ABCD3: variants seen among roughly 807,000 people sequenced by gnomAD.
ABCD3 encodes ATP-binding cassette sub-family D member 3.
Under a neutral mutation model 105.5 loss-of-function variants are expected in ABCD3, and 41 were observed. The observed-to-expected ratio is 0.39, with a 90% CI of 0.30 to 0.50. The LOEUF is 0.50. ABCD3 is among the 20% of genes least tolerant of loss of function. The probability of loss-of-function intolerance (pLI) is 0.84; values close to 1 mark genes in which losing one functional copy is unlikely to be tolerated. For synonymous variants in ABCD3, 258 were observed against 269.0 expected (o/e 0.96, Z 0.40); for missense variants, 622 against 806.3 (o/e 0.77, Z 2.77).
At position 94,419,481 on chromosome 1, in the gene ABCD3, G is replaced by A. The variant is rs1456493035; in HGVS notation, c.110+893G>A. ...ATACAGGTATGTATGTCACATACAT[G>A]CAATTTTTATTTGCTGGACAAGTGA... On this transcript the variant is annotated intron_variant, in intron 1 of 22. Coordinates refer to ENST00000370214, the MANE Select transcript of ABCD3 (RefSeq NM_002858.4). 2.0e-5 allele frequency among the ~76,000 whole-genome samples: 3 copies of A among 152,118 alleles called. No homozygotes were observed. In the East Asian group the frequency reaches 5.8e-4, roughly 29 times the overall value.
chr1:94,475,890 A>G (rs1169767027), intron 7 of ABCD3, among the ~76,000 whole-genome samples, 153 bp downstream of exon 7: 1 of 152,096 alleles, frequency 6.6e-6, no homozygotes, highest in Non-Finnish European at 1.5e-5. Context: ...AATAGTTTTA[A>G]TTATTTTAAT....
At chr1:94,430,627 T>G (rs1321443844) in intron 1 of ABCD3, among the ~76,000 whole-genome samples, 2 of 152,214 alleles carry the variant, frequency 1.3e-5, no homozygotes, top group Non-Finnish European at 2.9e-5. Flanking sequence ...TGCACCATGA[T>G]TGTGAGGCCT....
At chr1:94,396,610 T>TGTGC in the ABCD3 span, among the ~76,000 whole-genome samples, 5,144 of 144,050 alleles carry the variant, frequency 0.036, 152 homozygotes, top group African/African-American at 0.076. Context: ...TGTGTGTGTG[T>TGTGC]GCGCGCGCGC....
intron 1 of ABCD3, 64 bp from the exon 2 acceptor site, chr1:94,458,543 A>G: frequency 6.9e-7 from 1 of 1,439,092 alleles, no homozygotes; most frequent in Non-Finnish European, 9.8e-7. Flanking sequence ...ACATCTTAAA[A>G]TCATCTTAAT....
intron 1 of ABCD3, among the ~76,000 whole-genome samples, chr1:94,453,805 A>G: frequency 6.6e-6 from 1 of 151,100 alleles, no homozygotes. Context: ...TTTATTTTCC[A>G]AAGAATCAAC....
rs571605694 is a variant in ABCD3 at position 94,478,117 on chromosome 1, A to T, written c.628-142A>T. 45 of 599,356 alleles carry T rather than the reference A, an allele frequency of 7.5e-5. No individual in the cohort carries two copies. The African/African-American group carries it at 8.1e-4, about 11-fold the overall frequency. 37.1% of individuals were successfully genotyped at this position (599,356 alleles called of 1,614,324 possible). ...TATTCTTTGATCTACTTACTATCAC[A>T]GTACATTGTACATAGTGGGACCTCT... On this transcript the variant is annotated intron_variant, in intron 7 of 22. Coordinates refer to ENST00000370214, the MANE Select transcript of ABCD3 (RefSeq NM_002858.4).
intron 15 of ABCD3, 64 bp downstream of exon 15, chr1:94,490,039 T>C (rs1368102588): frequency 6.9e-7 from 1 of 1,442,962 alleles, no homozygotes; most frequent in Non-Finnish European, 9.7e-7. Context: ...TAGTCTTTCT[T>C]TTTCAGCTTA....
chr1:94,437,811 G>T (rs368482767), intron 1 of ABCD3, among the ~76,000 whole-genome samples: 2 of 152,192 alleles, frequency 1.3e-5, no homozygotes, highest in African/African-American at 2.4e-5. Flanking sequence ...AACATTTGTG[G>T]TTCATAGAAG....
Position 94,418,509 on chromosome 1 carries a change from C to G in ABCD3, c.31C>G (p.Arg11Gly). MAAFSKYLTA[R>G]NSSLAGAAFL... ...GGCCTTCAGCAAGTACTTGACGGCG[C>G]GAAACTCCTCGCTGGCTGGTGCCGC... Residue 11 changes from arginine to glycine, a missense_variant, in exon 1 of 23, where the codon CGA (arginine) becomes GGA (glycine). Coordinates refer to ENST00000370214, the MANE Select transcript of ABCD3 (RefSeq NM_002858.4). 1 of 1,605,362 alleles carries G rather than the reference C, an allele frequency of 6.2e-7. No individual in the cohort carries two copies. The highest frequency in any genetic ancestry group is 2.2e-5 in the East Asian group (1 of 44,758).
chr1:94,442,459 T>C lies in ABCD3; in HGVS notation c.111-16148T>C, dbSNP rs530244439. ...TTGGTATTATATATAATTTTTAAAA[T>C]AGTCTTTACATTAAAAAAATGGTTT... On this transcript the variant is annotated intron_variant, in intron 1 of 22. Coordinates refer to ENST00000370214, the MANE Select transcript of ABCD3 (RefSeq NM_002858.4). Among the ~76,000 whole-genome samples the C allele has an allele frequency of 2.6e-5, 4 of 152,324 alleles. No homozygotes were observed. In the South Asian group the frequency reaches 8.3e-4, roughly 32 times the overall value.
chr1:94,498,583 ATTTT>A lies in ABCD3; in HGVS notation c.1387-7_1387-4del, dbSNP rs4148066. The stretch of plus-strand genomic sequence containing the variant: ...TTTGATTTAATTACTTCACAGACTG[ATTTT>A]TTTTTTTTTTTCAGGTTCGATCTGG... On this transcript the variant is annotated splice_polypyrimidine_tract_variant and intron_variant, in intron 16 of 22. Transcript: ENST00000370214. 2.8e-6 allele frequency: 4 copies of A among 1,447,450 alleles called. No individual in the cohort carries two copies. The highest frequency in any genetic ancestry group is 1.8e-5 in the Admixed American group (1 of 55,508). The allele number at this position is 1,447,450 out of a possible 1,614,324, so 89.7% of individuals were successfully genotyped here. A position where few individuals can be genotyped will look rare whatever the true frequency, so the allele number is the denominator to read the frequency against.
chr1:94,406,211 A>G, the ABCD3 span, among the ~76,000 whole-genome samples: 15 of 151,702 alleles, frequency 9.9e-5, no homozygotes, highest in South Asian at 6.2e-4. Flanking sequence ...AAGGGATATT[A>G]CCTTTATCAT....
At chr1:94,472,713 A>C (rs1158254) in intron 4 of ABCD3, among the ~76,000 whole-genome samples, 54,874 of 152,028 alleles carry the variant, frequency 0.36, 11,443 homozygotes, top group Middle Eastern at 0.54. Flanking sequence ...TTATCCATCT[A>C]GTCCCTCACA....
chr1:94,487,499 T>C (rs759003907), intron 10 of ABCD3, 43 bp from the exon 11 acceptor site: 1 of 1,568,596 alleles, frequency 6.4e-7, no homozygotes, highest in Non-Finnish European at 8.7e-7. Flanking sequence ...TTCAGTTTTT[T>C]ATACAGAGAA....
chr1:94,454,824 A>G (rs1647463966), intron 1 of ABCD3, among the ~76,000 whole-genome samples: 1 of 151,782 alleles, frequency 6.6e-6, no homozygotes, highest in African/African-American at 2.4e-5. Context: ...GCTAATTTTT[A>G]TATTTTTAGT....
At chr1:94,403,973 T>C in the ABCD3 span, among the ~76,000 whole-genome samples, 2 of 152,204 alleles carry the variant, frequency 1.3e-5, no homozygotes, top group South Asian at 4.1e-4. Flanking sequence ...CAAAGAAATA[T>C]GTAAATGTAT....
At chr1:94,418,904 T>C (rs930185727) in intron 1 of ABCD3, 3 of 444,376 alleles carry the variant, frequency 6.8e-6, no homozygotes, top group Admixed American at 7.6e-5. Context: ...ATGCGGTGTG[T>C]CCCCCACCCC....
intron 1 of ABCD3, among the ~76,000 whole-genome samples, chr1:94,456,637 C>T (rs1343256967): frequency 6.6e-6 from 1 of 151,424 alleles, no homozygotes; most frequent in East Asian, 1.9e-4. Context: ...TATTCTTTAT[C>T]CATTGATCTC....
rs539240574 is a variant in ABCD3 at position 94,429,341 on chromosome 1, T to C, written c.110+10753T>C. ...GAAAAACCCATTTTCTGAGGGGAAA[T>C]GCAAGCCAGCTGCAGAAATTTGCAT... is the stretch of plus-strand genomic sequence containing the variant. On this transcript the variant is annotated intron_variant, in intron 1 of 22. Coordinates refer to ENST00000370214, the MANE Select transcript of ABCD3 (RefSeq NM_002858.4). Among the ~76,000 whole-genome samples, 4 of 152,252 alleles carry C rather than the reference T, an allele frequency of 2.6e-5. No individual in the cohort carries two copies. In the East Asian group the frequency reaches 7.7e-4, roughly 29 times the overall value.
Sources: allele counts gnomAD v4.1 joint callset (sites outside exome capture counted in the v4.1 genomes callset), GRCh38; gene constraint gnomAD v4.1.1; transcripts MANE v1.5; gene names NCBI Gene and HGNC (gene_info 2026-07-23, HGNC 2026-07-21).